Variants in BICC1 observed in about 807,000 individuals in gnomAD.
The protein encoded by BICC1 is BicC family RNA binding protein 1, also known as protein bicaudal C homolog 1.
Under a neutral mutation model 111.0 loss-of-function variants are expected in BICC1, and 43 were observed. The observed-to-expected ratio is 0.39, with a 90% CI of 0.30 to 0.50. The LOEUF (loss-of-function observed/expected upper bound fraction) is 0.50. Among genes scored for constraint, BICC1 ranks in the 20% least tolerant of loss-of-function variants. The pLI is 0.88. For missense variants in BICC1, 1,091 were observed against 1,203.2 expected (o/e 0.91, Z 1.38); for synonymous variants, 467 against 434.4 (o/e 1.07, Z -0.93).
intron 3 of BICC1, among the ~76,000 whole-genome samples, chr10:58,758,000 T>C (rs1187971732): frequency 6.6e-6 from 1 of 152,196 alleles, no homozygotes; most frequent in African/African-American, 2.4e-5. Context: ...CTTGGTTTCC[T>C]AAGCCATTCT....
At chr10:58,718,549 C>T (rs988182519) in intron 3 of BICC1, among the ~76,000 whole-genome samples, 93 of 152,068 alleles carry the variant, frequency 6.1e-4, no homozygotes, top group Non-Finnish European at 2.9e-4. Context: ...GTTCCCTCCT[C>T]GCCACCAATG....
intron 2 of BICC1, among the ~76,000 whole-genome samples, chr10:58,626,154 G>A (rs1374330081): frequency 6.6e-6 from 1 of 152,132 alleles, no homozygotes; most frequent in Non-Finnish European, 1.5e-5. Flanking sequence ...ATATCTTGAT[G>A]GTTTCTGAAG....
chr10:58,745,211 A>C (rs1841794090), intron 3 of BICC1, among the ~76,000 whole-genome samples: 1 of 152,126 alleles, frequency 6.6e-6, no homozygotes, highest in Non-Finnish European at 1.5e-5. Context: ...TTCACATCAT[A>C]AAGTCCTGGC....
At chr10:58,586,958 C>CTAAT (rs1844451303) in intron 1 of BICC1, among the ~76,000 whole-genome samples, 2 of 152,140 alleles carry the variant, frequency 1.3e-5, no homozygotes, top group Non-Finnish European at 2.9e-5. Context: ...GGGAGAGACA[C>CTAAT]AGGGATTAGT....
At chr10:58,676,477 T>C (rs1839345682) in intron 2 of BICC1, among the ~76,000 whole-genome samples, 1 of 152,168 alleles carries the variant, frequency 6.6e-6, no homozygotes, top group South Asian at 2.1e-4. Flanking sequence ...ACGCAAAGCT[T>C]CTGTAGCCAG....
At chr10:58,782,337 G>A (rs1366026527) in intron 3 of BICC1, among the ~76,000 whole-genome samples, 1 of 152,064 alleles carries the variant, frequency 6.6e-6, no homozygotes, top group Non-Finnish European at 1.5e-5. Flanking sequence ...AATTTGTTTT[G>A]TGGGAAAAAT....
At chr10:58,755,814 C>T (rs1022066050) in intron 3 of BICC1, among the ~76,000 whole-genome samples, 4 of 152,068 alleles carry the variant, frequency 2.6e-5, no homozygotes, top group Non-Finnish European at 5.9e-5. Context: ...GCCGAGGCTT[C>T]TCTGCATTGG....
rs184383692 is a variant in BICC1 at position 58,645,302 on chromosome 10, G to A, written c.237+24401G>A. ...TGGGCGCCTGTAGTCCCAGCTACTC[G>A]GGAGGCTGAGGCAGGAGAATGGTGA... On this transcript the variant is annotated intron_variant, in intron 2 of 20. Coordinates refer to ENST00000373886, the MANE Select transcript of BICC1 (RefSeq NM_001080512.3). Among the ~76,000 whole-genome samples the A allele has an allele frequency of 6.8e-3, 1,022 of 149,970 alleles. 11 individuals carry two copies. The highest frequency in any genetic ancestry group is 0.024 in the African/African-American group (971 of 40,868).
chr10:58,627,560 A>G (rs998166971), intron 2 of BICC1, among the ~76,000 whole-genome samples: 3 of 152,222 alleles, frequency 2.0e-5, no homozygotes, highest in Non-Finnish European at 2.9e-5. Context: ...GATAAAAATT[A>G]CCCTAACTGA....
chr10:58,591,946 G>T (rs369794019), intron 1 of BICC1, among the ~76,000 whole-genome samples: 18 of 152,278 alleles, frequency 1.2e-4, no homozygotes, highest in African/African-American at 4.1e-4. Context: ...TTTCTCAAGT[G>T]GTGTTGTTTA....
chr10:58,634,878 A>G (rs1398037498), intron 2 of BICC1, among the ~76,000 whole-genome samples: 3 of 152,198 alleles, frequency 2.0e-5, no homozygotes, highest in Non-Finnish European at 4.4e-5. Flanking sequence ...AGAAAATCGT[A>G]AGGAAGAGAA....
chr10:58,736,598 T>G (rs1380968853), intron 3 of BICC1, among the ~76,000 whole-genome samples: 1 of 152,212 alleles, frequency 6.6e-6, no homozygotes, highest in Non-Finnish European at 1.5e-5. Context: ...TAATGCCGTC[T>G]TTCCATTGGG....
At chr10:58,584,181 TATCTC>T (rs1019372851) in intron 1 of BICC1, among the ~76,000 whole-genome samples, 1 of 152,170 alleles carries the variant, frequency 6.6e-6, no homozygotes, top group Non-Finnish European at 1.5e-5. Context: ...TTCTTAATGA[TATCTC>T]AACCAGATTT....
chr10:58,710,646 A>T (rs931260492), intron 3 of BICC1, among the ~76,000 whole-genome samples: 1 of 152,234 alleles, frequency 6.6e-6, no homozygotes, highest in African/African-American at 2.4e-5. Flanking sequence ...ATATGTCATT[A>T]AACAACTTTG....
chr10:58,519,232 G>A (rs189344797), intron 1 of BICC1, among the ~76,000 whole-genome samples: 2 of 152,232 alleles, frequency 1.3e-5, no homozygotes, highest in African/African-American at 4.8e-5. Context: ...GTTTATGCAG[G>A]AAAAAGGCGG....
At position 58,828,922 on chromosome 10, in the gene BICC1, A is replaced by G; in HGVS notation, c.*31A>G. 2 of 1,612,528 alleles carry G rather than the reference A, an allele frequency of 1.2e-6. No individual in the cohort carries two copies. The highest frequency in any genetic ancestry group is 1.7e-6 in the Non-Finnish European group (2 of 1,179,160). On this transcript the variant is annotated 3_prime_UTR_variant, in exon 21 of 21. Transcript: ENST00000373886. ...CCCTCTTGGCACATGCCCGCTGACTAACTGTAAAGTGGACACAGGAGATGT... is the reference window on the plus strand; with the variant it reads ...CCCTCTTGGCACATGCCCGCTGACTGACTGTAAAGTGGACACAGGAGATGT...
chr10:58,571,963 G>A (rs1265688307), intron 1 of BICC1, among the ~76,000 whole-genome samples: 1 of 152,130 alleles, frequency 6.6e-6, no homozygotes, highest in Non-Finnish European at 1.5e-5. Context: ...CAGTGTAAAA[G>A]TGTTCCTTTT....
chr10:58,754,760 ATGTGTGTGTGTGTG>A (rs149325160), intron 3 of BICC1, among the ~76,000 whole-genome samples: 1 of 148,750 alleles, frequency 6.7e-6, no homozygotes, highest in African/African-American at 2.5e-5. Context: ...GGGGGTGTGT[ATGTGTGTGTGTGTG>A]TGTGTGTGTG....
chr10:58,648,704 C>G, intron 2 of BICC1: 2 of 971,240 alleles, frequency 2.1e-6, no homozygotes, highest in Non-Finnish European at 2.4e-6. Flanking sequence ...GAAATCCTCT[C>G]TGTTGTTTGA....
Sources: gnomAD v4.1 joint callset for allele counts (sites outside exome capture counted in the v4.1 genomes callset) on GRCh38, gnomAD v4.1.1 for gene constraint, MANE v1.5 for transcripts, NCBI Gene and HGNC (gene_info 2026-07-23, HGNC 2026-07-21) for gene names.